GOSR2: variants seen among roughly 807,000 people sequenced by gnomAD.
The protein encoded by GOSR2 is 27 kDa Golgi SNARE protein.
In GOSR2, 20 loss-of-function variants were observed where a neutral mutation model predicts 27.9. The ratio of observed to expected loss-of-function variants is 0.72; its 90% CI spans 0.50 to 1.04. GOSR2 has a LOEUF of 1.04. Ranked by LOEUF, GOSR2 falls within the 50% of genes least tolerant of loss-of-function variation. The pLI, the probability that GOSR2 is intolerant of heterozygous loss-of-function variation, is 0.00. For synonymous variants in GOSR2, 91 were observed against 98.8 expected, an observed-to-expected ratio of 0.92 and a Z score of 0.47; for missense variants, 261 against 270.5, an observed-to-expected ratio of 0.97 and a Z score of 0.25.
intron 6 of GOSR2, among the ~76,000 whole-genome samples, chr17:46,974,214 C>A (rs949710112): frequency 5.3e-5 from 8 of 152,332 alleles, no homozygotes; most frequent in South Asian, 2.1e-4. Flanking sequence ...GGGAGCAAAG[C>A]AAGTGCCAGG....
intron 5 of GOSR2, chr17:46,936,408 G>C (rs1568180235): frequency 1.4e-5 from 14 of 985,258 alleles, no homozygotes; most frequent in Non-Finnish European, 1.6e-5. Context: ...CACCCACACT[G>C]ATACCAGAGG....
chr17:46,931,386 A>G, intron 3 of GOSR2, 179 bp downstream of exon 3: 1 of 624,560 alleles, frequency 1.6e-6, no homozygotes, highest in South Asian at 1.9e-5. Flanking sequence ...GCTCAAAATA[A>G]ATAGCCTGTG....
At position 46,923,161 on chromosome 17, in the gene GOSR2, G is replaced by C; in HGVS notation, c.-32G>C. On this transcript the variant is annotated 5_prime_UTR_variant, in exon 1 of 6. Transcript: ENST00000640051. ...GTGAGGACGTGTTCCGAGGAAGCCAGAGCCGGAGCCGTGGCCTGCGGGGCC... is the reference window on the plus strand; with the variant it reads ...GTGAGGACGTGTTCCGAGGAAGCCACAGCCGGAGCCGTGGCCTGCGGGGCC... The C allele has an allele frequency of 7.0e-7, 1 of 1,427,062 alleles. No homozygotes were observed. The highest frequency in any genetic ancestry group is 9.7e-7 in the Non-Finnish European group (1 of 1,033,740). 88.4% of individuals were successfully genotyped at this position (1,427,062 alleles called of 1,614,324 possible). A position where few individuals can be genotyped will look rare whatever the true frequency, so the allele number is the denominator to read the frequency against.
downstream of GOSR2, among the ~76,000 whole-genome samples, chr17:46,945,972 T>C (rs1464964150): frequency 1.3e-5 from 2 of 152,206 alleles, no homozygotes; most frequent in South Asian, 2.1e-4. Flanking sequence ...ATTTCTTTTT[T>C]CCCCCTGTGG....
chr17:46,953,067 C>T (rs1460443710), intron 6 of GOSR2, among the ~76,000 whole-genome samples: 5 of 151,314 alleles, frequency 3.3e-5, no homozygotes, highest in African/African-American at 9.7e-5. Context: ...TATTATTTTA[C>T]GTAAGTTTTA....
rs1168102361 is a variant in GOSR2, at chr17:46,941,432, G to A, written c.*2672G>A. On this transcript the variant is annotated 3_prime_UTR_variant, in exon 6 of 6. Transcript: ENST00000640051. Reference sequence around the variant, plus strand: ...TGGCCCCCTTTTTTTATGTTTCTAGGCCAGAGATTCTCAAACACTGCTCCA... The same window carrying A: ...TGGCCCCCTTTTTTTATGTTTCTAGACCAGAGATTCTCAAACACTGCTCCA... 10 of 984,196 alleles carry A rather than the reference G, an allele frequency of 1.0e-5. 1 individual carries two copies. The highest frequency in any genetic ancestry group is 4.7e-5 in the South Asian group (1 of 21,252). The allele number at this position is 984,196 out of a possible 1,614,324, so 61.0% of individuals were successfully genotyped here. A position where few individuals can be genotyped will look rare whatever the true frequency, so the allele number is the denominator to read the frequency against.
intron 6 of GOSR2, among the ~76,000 whole-genome samples, chr17:46,966,172 A>G (rs752103314): frequency 4.9e-4 from 75 of 152,260 alleles, no homozygotes; most frequent in Non-Finnish European, 4.4e-5. Context: ...CAGAGTAAGA[A>G]GTGCTCACAA....
chr17:46,943,140 A>G (rs1451225447), downstream of GOSR2, among the ~76,000 whole-genome samples: 3 of 152,160 alleles, frequency 2.0e-5, no homozygotes, highest in Non-Finnish European at 4.4e-5. Flanking sequence ...CATCAACCCA[A>G]GGCTAGCCCG....
intron 2 of GOSR2, chr17:46,930,787 G>T (rs1445643781): frequency 1.1e-5 from 3 of 274,716 alleles, no homozygotes; most frequent in African/African-American, 6.7e-5. Context: ...TTAGCTTAAA[G>T]TATTTATTTG....
rs897281647 is a variant in GOSR2, at chr17:46,923,206, T to A, written c.14T>A (p.Phe5Tyr). 2 of 1,549,786 alleles carry A rather than the reference T, an allele frequency of 1.3e-6. No homozygotes were observed. Among genetic ancestry groups the A allele is most frequent in the Non-Finnish European group, 1.7e-6 (2 of 1,145,360 alleles). MDPLFQQTHKQVHEI... is the reference protein window; with the variant it reads MDPLYQQTHKQVHEI... ...GGGGCCGGCGACATGGATCCCCTGT[T>A]CCAGCAAACGCACAAGTGAGGGCCG... Residue 5 changes from phenylalanine to tyrosine, a missense_variant, in exon 1 of 6, where the codon TTC (phenylalanine) becomes TAC (tyrosine). Coordinates refer to ENST00000640051, the MANE Select transcript of GOSR2 (RefSeq NM_004287.5).
rs2089053776 is a variant in GOSR2, at chr17:46,940,148, G to A, written c.*1388G>A. 7.7e-7 allele frequency: 1 copy of A among 1,306,114 alleles called. No homozygotes were observed. Among genetic ancestry groups the A allele is most frequent in the Non-Finnish European group, 9.8e-7 (1 of 1,022,344 alleles). 80.9% of individuals were successfully genotyped at this position (1,306,114 alleles called of 1,614,324 possible). Reference sequence around the variant, plus strand: ...TTGTTCCCCTCCCCGCTGCTCTGTAGTCATGTTGGTCCTTTCAGGCACCTC... The same window carrying A: ...TTGTTCCCCTCCCCGCTGCTCTGTAATCATGTTGGTCCTTTCAGGCACCTC... On this transcript the variant is annotated 3_prime_UTR_variant, in exon 6 of 6. Transcript: ENST00000640051.
intron 6 of GOSR2, among the ~76,000 whole-genome samples, chr17:46,953,618 G>T (rs1266341099): frequency 6.6e-6 from 1 of 152,124 alleles, no homozygotes; most frequent in African/African-American, 2.4e-5. Flanking sequence ...CTGAGGAATC[G>T]CCACACTGAC....
chr17:46,946,785 C>T (rs538619803), downstream of GOSR2, among the ~76,000 whole-genome samples: 123 of 152,344 alleles, frequency 8.1e-4, no homozygotes, highest in African/African-American at 2.8e-3. Context: ...ATTGTTTGAA[C>T]CCAGGAGGCA....
At chr17:46,944,736 A>T (rs1027778969), downstream of GOSR2, among the ~76,000 whole-genome samples, 4 of 151,240 alleles carry the variant, frequency 2.6e-5, no homozygotes, top group African/African-American at 7.3e-5. Flanking sequence ...AGTGGCTAGG[A>T]TTACAGGCAC....
At chr17:46,930,991 A>T in intron 2 of GOSR2, 108 bp from the exon 3 acceptor site, 1 of 718,164 alleles carries the variant, frequency 1.4e-6, no homozygotes, top group Non-Finnish European at 2.5e-6. Flanking sequence ...CTTTTGAAAT[A>T]TGTAGTTCTA....
chr17:46,960,892 A>T (rs1684252604), intron 6 of GOSR2, among the ~76,000 whole-genome samples: 1 of 152,204 alleles, frequency 6.6e-6, no homozygotes, highest in Non-Finnish European at 1.5e-5. Context: ...AGCATGAAGG[A>T]GTATCTCGAT....
intron 5 of GOSR2, chr17:46,936,838 A>C: frequency 1.0e-6 from 1 of 984,858 alleles, no homozygotes; most frequent in Non-Finnish European, 1.2e-6. Flanking sequence ...TTTGACTTGT[A>C]ATTTCTCTGG....
At chr17:46,950,815 A>T (rs1444159805) in intron 6 of GOSR2, among the ~76,000 whole-genome samples, 4 of 152,180 alleles carry the variant, frequency 2.6e-5, no homozygotes, top group African/African-American at 9.7e-5. Flanking sequence ...CAAATCCCAG[A>T]ACAGAGGAAA....
intron 5 of GOSR2, chr17:46,936,943 T>A (rs569578308): frequency 6.0e-5 from 24 of 401,908 alleles, no homozygotes; most frequent in Admixed American, 2.6e-4. Context: ...TTTCTCTCAG[T>A]TGCTCATTAA....
Sources: gnomAD v4.1 joint callset for allele counts (sites outside exome capture counted in the v4.1 genomes callset) on GRCh38, gnomAD v4.1.1 for gene constraint, MANE v1.5 for transcripts, NCBI Gene and HGNC (gene_info 2026-07-23, HGNC 2026-07-21) for gene names.